NCAM1: variants seen among roughly 807,000 people sequenced by gnomAD.
NCAM1 encodes the protein neural cell adhesion molecule 1, also known as antigen recognized by monoclonal antibody 5.1H11.
Under a neutral mutation model 109.8 loss-of-function variants are expected in NCAM1, and 14 were observed. That is an observed-to-expected ratio of 0.13 (90% CI 0.08 to 0.20). The LOEUF (loss-of-function observed/expected upper bound fraction) is 0.20, where lower values mean the gene tolerates loss of function less well. Ranked by LOEUF, NCAM1 falls within the 10% of genes least tolerant of loss-of-function variation. The pLI is 1.00. For missense variants in NCAM1, 774 were observed against 1,109.9 expected, an observed-to-expected ratio of 0.70 and a Z score of 4.30; for synonymous variants, 418 against 442.9, an observed-to-expected ratio of 0.94 and a Z score of 0.70.
At chr11:113,100,570 G>A (rs1404105884) in intron 1 of NCAM1, among the ~76,000 whole-genome samples, 3 of 152,124 alleles carry the variant, frequency 2.0e-5, no homozygotes, top group Non-Finnish European at 4.4e-5. Flanking sequence ...AAAGGGGATG[G>A]AGTGGGAAGA....
intron 1 of NCAM1, among the ~76,000 whole-genome samples, chr11:113,036,482 C>T (rs978131908): frequency 5.3e-5 from 8 of 152,022 alleles, no homozygotes; most frequent in African/African-American, 1.4e-4. Context: ...CCTGCCTTGC[C>T]CCTGCACTCA....
intron 1 of NCAM1, among the ~76,000 whole-genome samples, chr11:113,148,267 C>T (rs748333651): frequency 6.6e-6 from 1 of 152,060 alleles, no homozygotes; most frequent in Non-Finnish European, 1.5e-5. Context: ...ATGCTCATGT[C>T]GCCATGATAA....
chr11:113,060,227 G>A (rs1178168992), intron 1 of NCAM1, among the ~76,000 whole-genome samples: 4 of 152,160 alleles, frequency 2.6e-5, no homozygotes, highest in African/African-American at 4.8e-5. Context: ...TTCTGCTTTT[G>A]CGACATCATG....
At chr11:113,061,268 T>C (rs1937626846) in intron 1 of NCAM1, among the ~76,000 whole-genome samples, 1 of 152,056 alleles carries the variant, frequency 6.6e-6, no homozygotes, top group African/African-American at 2.4e-5. Context: ...AATATTCCAT[T>C]CTATGTTTAA....
At chr11:113,024,382 A>C (rs888869741) in intron 1 of NCAM1, among the ~76,000 whole-genome samples, 16 of 152,050 alleles carry the variant, frequency 1.1e-4, no homozygotes, top group African/African-American at 3.6e-4. Context: ...TTACTCTCTC[A>C]TTTACTATTC....
At chr11:113,033,342 C>G (rs10736464) in intron 1 of NCAM1, among the ~76,000 whole-genome samples, 149,617 of 152,252 alleles carry the variant, frequency 0.98, 73,565 homozygotes, top group East Asian at 1. Context: ...TGTTGTTGTT[C>G]TTATGAAAAT....
At chr11:113,251,555 A>T (rs1945678379) in intron 15 of NCAM1, among the ~76,000 whole-genome samples, 3 of 152,098 alleles carry the variant, frequency 2.0e-5, no homozygotes, top group Non-Finnish European at 4.4e-5. Context: ...ACTGCACAAT[A>T]CTTTATATTT....
At position 113,081,506 on chromosome 11, in the gene NCAM1, C is replaced by T. The variant is rs576556713; in HGVS notation, c.52+119842C>T. On this transcript the variant is annotated intron_variant, in intron 1 of 19. Transcript: ENST00000316851. ...GACAGTGGTCTGCCTGCAGATCTGCCGCATGCCACAAGCGACCAAATACTT... is the reference window on the plus strand; with the variant it reads ...GACAGTGGTCTGCCTGCAGATCTGCTGCATGCCACAAGCGACCAAATACTT... 5.9e-5 allele frequency among the ~76,000 whole-genome samples: 9 copies of T among 152,240 alleles called. No individual in the cohort carries two copies. The South Asian group carries it at 8.3e-4, about 14-fold the overall frequency.
intron 1 of NCAM1, among the ~76,000 whole-genome samples, chr11:113,132,003 CTG>C (rs1282224192): frequency 6.6e-6 from 1 of 152,194 alleles, no homozygotes; most frequent in Non-Finnish European, 1.5e-5. Flanking sequence ...TGCCAGAAAA[CTG>C]TGTGTCTTCT....
chr11:113,182,149 C>T (rs1337533747), intron 1 of NCAM1, among the ~76,000 whole-genome samples: 13 of 152,154 alleles, frequency 8.5e-5, no homozygotes, highest in Non-Finnish European at 1.9e-4. Flanking sequence ...GATTGCTTAA[C>T]ACTTGAAGAA....
At chr11:113,141,062 GT>G (rs57292300) in intron 1 of NCAM1, among the ~76,000 whole-genome samples, 1,732 of 152,250 alleles carry the variant, frequency 0.011, 29 homozygotes, top group African/African-American at 0.039. Flanking sequence ...AATACACTAT[GT>G]TTTTGTGGGA....
At chr11:113,231,217 C>CA (rs1555117129) in intron 9 of NCAM1, 3 of 1,536,134 alleles carry the variant, frequency 2.0e-6, no homozygotes, top group Non-Finnish European at 2.6e-6. Context: ...ATGGAACTGG[C>CA]AAGTGGGCAG....
chr11:113,260,767 C>A (rs536951283), intron 17 of NCAM1, among the ~76,000 whole-genome samples: 113 of 152,332 alleles, frequency 7.4e-4, no homozygotes, highest in Admixed American at 2.2e-3. Context: ...CAAATCTCTT[C>A]TCTGTGGTGA....
intron 1 of NCAM1, among the ~76,000 whole-genome samples, chr11:113,198,958 A>T (rs1008297438): frequency 8.5e-5 from 13 of 152,182 alleles, no homozygotes; most frequent in African/African-American, 3.1e-4. Context: ...TGTGTTTTGT[A>T]AACTGGAAAG....
At chr11:113,164,754 C>A (rs186483108) in intron 1 of NCAM1, among the ~76,000 whole-genome samples, 30 of 152,244 alleles carry the variant, frequency 2.0e-4, no homozygotes, top group African/African-American at 7.0e-4. Flanking sequence ...AGCCCAGAAA[C>A]CCTCTGAACC....
intron 1 of NCAM1, among the ~76,000 whole-genome samples, chr11:112,975,582 C>T (rs1427192341): frequency 1.3e-5 from 2 of 151,982 alleles, no homozygotes; most frequent in South Asian, 2.1e-4. Context: ...GTGAAAGTTA[C>T]TCATCACGTT....
intron 1 of NCAM1, among the ~76,000 whole-genome samples, chr11:113,124,431 C>G (rs978384710): frequency 1.3e-5 from 2 of 151,692 alleles, no homozygotes; most frequent in Non-Finnish European, 2.9e-5. Flanking sequence ...GCTAAAGAAA[C>G]AGATCTCCAC....
chr11:113,214,488 C>G lies in NCAM1; in HGVS notation c.1036C>G (p.Arg346Gly). Residue 346 changes from arginine to glycine, a missense_variant, in exon 8 of 20, where the codon CGG (arginine) becomes GGG (glycine). Around this residue, in one of 4 missense-constraint regions of NCAM1, gnomAD observed 523 missense variants for 784.2 expected, o/e 0.67. Coordinates refer to ENST00000316851, the MANE Select transcript of NCAM1 (RefSeq NM_181351.5). ...IPSITWRTST[R>G]NISSEEKASW... is the part of the protein sequence containing the mutation. ...CTCCATCACCTGGAGGACTTCTACC[C>G]GGAACATCAGCAGCGAAGAAAAGGT... is the stretch of plus-strand genomic sequence containing the variant. The G allele has an allele frequency of 2.5e-6, 4 of 1,610,786 alleles. No individual in the cohort carries two copies. Among genetic ancestry groups the G allele is most frequent in the South Asian group, 2.2e-5 (2 of 90,244 alleles).
chr11:113,131,001 C>G (rs76733461), intron 1 of NCAM1, among the ~76,000 whole-genome samples: 1,886 of 152,196 alleles, frequency 0.012, 34 homozygotes, highest in African/African-American at 0.043. Flanking sequence ...TTTTCTATTC[C>G]TCCTCTGGAA....
Sources: gnomAD v4.1 joint callset for allele counts (sites outside exome capture counted in the v4.1 genomes callset) on GRCh38, gnomAD v4.1.1 for gene constraint, gnomAD v4.1.1 regional missense constraint, MANE v1.5 for transcripts, NCBI Gene and HGNC (gene_info 2026-07-23, HGNC 2026-07-21) for gene names.